The following CLEC7A variants were observed in gnomAD, a reference collection of about 807,000 sequenced individuals.
CLEC7A encodes the protein C-type lectin domain family 7 member A.
In CLEC7A, 25 loss-of-function variants were observed where a neutral mutation model predicts 26.9. The observed-to-expected ratio is 0.93, with a 90% CI of 0.68 to 1.30. The LOEUF (loss-of-function observed/expected upper bound fraction) is 1.30, where lower values mean the gene tolerates loss of function less well. Ranked by LOEUF, CLEC7A falls within the 50% of genes most tolerant of loss-of-function variation. CLEC7A has a pLI of 0.00. For synonymous variants in CLEC7A, 100 were observed against 99.5 expected (o/e 1.01, Z -0.03); for missense variants, 275 against 286.7 (o/e 0.96, Z 0.29).
rs374910100 is a variant in CLEC7A at position 10,118,557 on chromosome 12, G to A, written c.645C>T (p.Asn215=). 3.0e-5 allele frequency: 49 copies of A among 1,613,194 alleles called. No individual in the cohort carries two copies. The highest frequency in any genetic ancestry group is 2.7e-4 in the South Asian group (25 of 91,050). The change falls in exon 6 of 6, where the codon AAC becomes AAT. Residue 215 remains asparagine (N), a synonymous_variant. Transcript: ENST00000304084. The part of the protein sequence containing the change: ...FQIRTTATQE[N]PSPNCVWIHV... Reference sequence around the variant, plus strand: ...GAATCCATACACAATTTGGAGATGGGTTTTCTTGGGTAGCTGTGGTTCTGA... The same window carrying A: ...GAATCCATACACAATTTGGAGATGGATTTTCTTGGGTAGCTGTGGTTCTGA...
chr12:10,123,142 T>C (rs1278539226), intron 5 of CLEC7A, 103 bp downstream of exon 5: 1 of 704,162 alleles, frequency 1.4e-6, no homozygotes. Flanking sequence ...TTCTCATATA[T>C]GGTGAGCAAA....
chr12:10,126,435 TA>T, intron 3 of CLEC7A, 135 bp downstream of exon 3: 1 of 1,431,536 alleles, frequency 7.0e-7, no homozygotes, highest in African/African-American at 1.4e-5. Flanking sequence ...TACACTAAGG[TA>T]ATACTAATAT....
At chr12:10,124,000 T>TTGTC (rs1416372883) in intron 4 of CLEC7A, among the ~76,000 whole-genome samples, 1 of 152,132 alleles carries the variant, frequency 6.6e-6, no homozygotes, top group Non-Finnish European at 1.5e-5. Context: ...TGATTAGCCA[T>TTGTC]TGTCTTCTCC....
At chr12:10,118,704 A>C in intron 5 of CLEC7A, 114 bp from the exon 6 acceptor site, 1 of 874,552 alleles carries the variant, frequency 1.1e-6, no homozygotes. Flanking sequence ...AAGTGTTTCT[A>C]TTATTGGAAA....
chr12:10,123,290 T>C lies in CLEC7A; in HGVS notation c.566A>G (p.Glu189Gly). The change falls in exon 5 of 6, where the codon GAG becomes GGG. Residue 189 changes from glutamate to glycine, a missense_variant. Glu to Gly is a moderately conservative substitution (Grantham distance 98). Coordinates refer to ENST00000304084, the MANE Select transcript of CLEC7A (RefSeq NM_197947.3). Reference protein sequence around the residue: ...FWIGLSRPQTEVPWLWEDGST... With the variant: ...FWIGLSRPQTGVPWLWEDGST... The stretch of plus-strand genomic sequence containing the variant: ...TCCATCCTCCCAGAGCCATGGTACC[T>C]CAGTCTGGGGCCGAGAAAGGCCTAT... The C allele has an allele frequency of 6.2e-7, 1 of 1,613,462 alleles. No homozygotes were observed.
rs75044568 is a variant in CLEC7A, at chr12:10,121,378, G to A, written c.611+1867C>T. On this transcript the variant is annotated intron_variant, in intron 5 of 5. Coordinates refer to ENST00000304084, the MANE Select transcript of CLEC7A (RefSeq NM_197947.3). ...TAAATCTTTATGTGCCTGATAACACGGCTTCAACACATCGAATAAAATGTT... is the reference window on the plus strand; with the variant it reads ...TAAATCTTTATGTGCCTGATAACACAGCTTCAACACATCGAATAAAATGTT... 6.5e-4 allele frequency among the ~76,000 whole-genome samples: 99 copies of A among 152,170 alleles called. 1 individual carries two copies. In the East Asian group the frequency reaches 0.015, roughly 23 times the overall value.
At chr12:10,122,245 T>G (rs1591947127) in intron 5 of CLEC7A, among the ~76,000 whole-genome samples, 2 of 152,220 alleles carry the variant, frequency 1.3e-5, no homozygotes, top group Non-Finnish European at 2.9e-5. Context: ...CTGCAGATAT[T>G]AAAAAGCAAA....
rs1022483302 is a variant in CLEC7A at position 10,118,582 on chromosome 12, A to T, written c.620T>A (p.Ile207Asn). ...GSTFSSNLFQIRTTATQENPS... is the reference protein window; with the variant it reads ...GSTFSSNLFQNRTTATQENPS... The stretch of plus-strand genomic sequence containing the variant: ...GTTTTCTTGGGTAGCTGTGGTTCTG[A>T]TCTGAAATCTGTTAAAATAGAATAC... Residue 207 changes from isoleucine (I) to asparagine (N), a missense_variant, in exon 6 of 6, where the codon ATC becomes AAC. By Grantham distance (149) the Ile-to-Asn change is moderately radical. Coordinates refer to ENST00000304084, the MANE Select transcript of CLEC7A (RefSeq NM_197947.3). 3.1e-6 allele frequency: 5 copies of T among 1,612,678 alleles called. No individual in the cohort carries two copies. Among genetic ancestry groups the T allele is most frequent in the Non-Finnish European group, 4.2e-6 (5 of 1,179,182 alleles).
At chr12:10,124,459 C>T (rs1414351832) in intron 4 of CLEC7A, among the ~76,000 whole-genome samples, 3 of 152,118 alleles carry the variant, frequency 2.0e-5, no homozygotes, top group African/African-American at 4.8e-5. Context: ...CTTAGGAACA[C>T]GGGGATCTCT....
At chr12:10,128,207 A>AAC (rs71860807) in intron 1 of CLEC7A, among the ~76,000 whole-genome samples, 13,080 of 132,656 alleles carry the variant, frequency 0.099, 724 homozygotes, top group East Asian at 0.33. Context: ...ACCCTGTTAA[A>AAC]ACACACACAC....
Position 10,124,180 on chromosome 12 carries a change from T to A in CLEC7A, c.493-817A>T, listed in dbSNP as rs75455441. On this transcript the variant is annotated intron_variant, in intron 4 of 5. Transcript: ENST00000304084. Reference sequence around the variant, plus strand: ...ATCTATAACAATTTATTTTCAATTATAGGCTGGCCTAAAAGTCAGATAGAC... The same window carrying A: ...ATCTATAACAATTTATTTTCAATTAAAGGCTGGCCTAAAAGTCAGATAGAC... 5.2e-4 allele frequency among the ~76,000 whole-genome samples: 79 copies of A among 152,378 alleles called. 3 individuals carry two copies. The East Asian group carries it at 0.015, about 29-fold the overall frequency.
intron 4 of CLEC7A, among the ~76,000 whole-genome samples, chr12:10,123,978 A>G (rs1274424233): frequency 6.6e-6 from 1 of 152,202 alleles, no homozygotes; most frequent in East Asian, 1.9e-4. Flanking sequence ...CCCCCTAGGC[A>G]GTTTTCATGG....
rs562376062 is a variant in CLEC7A at position 10,129,040 on chromosome 12, C to T, written c.103+940G>A. 2.0e-5 allele frequency among the ~76,000 whole-genome samples: 3 copies of T among 152,304 alleles called. 1 individual carries two copies. In the South Asian group the frequency reaches 6.2e-4, roughly 32 times the overall value. On this transcript the variant is annotated intron_variant, in intron 1 of 5. Coordinates refer to ENST00000304084, the MANE Select transcript of CLEC7A (RefSeq NM_197947.3). ...TCATAGAATTGTCACATAGGAGAAT[C>T]GTAGAGTAGGCTAAATCACCCATTC...
chr12:10,127,895 TGGTGGG>T, intron 1 of CLEC7A, 50 bp from the exon 2 acceptor site: 1 of 1,267,602 alleles, frequency 7.9e-7, no homozygotes, highest in Non-Finnish European at 1.1e-6. Context: ...GAATGACGGA[TGGTGGG>T]GCAGTTTAAT....
rs34645566 is a variant in CLEC7A, at chr12:10,130,147, ACTGT to A, written c.-69_-66del. 0.033 allele frequency: 25,227 copies of A among 755,338 alleles called. 582 individuals carry two copies. The highest frequency in any genetic ancestry group is 0.045 in the Non-Finnish European group (19,534 of 434,362). 46.8% of individuals were successfully genotyped at this position (755,338 alleles called of 1,614,324 possible). ...CTCTTTTCTTTCTGCTCCTGAGATG[ACTGT>A]CTGTGGACAAAAGAGAATCTCTGAG... On this transcript the variant is annotated 5_prime_UTR_variant, in exon 1 of 6. Transcript: ENST00000304084.
chr12:10,123,963 A>G (rs2078178), intron 4 of CLEC7A, among the ~76,000 whole-genome samples: 83,936 of 152,116 alleles, frequency 0.55, 28,577 homozygotes, highest in Non-Finnish European at 0.76. Flanking sequence ...ATCCCAGATG[A>G]CAGTCCCCCT....
rs2137443624 is a variant in CLEC7A, at chr12:10,125,376, A to G, written c.413T>C (p.Leu138Pro). 6.2e-7 allele frequency: 1 copy of G among 1,613,568 alleles called. No homozygotes were observed. Among genetic ancestry groups the G allele is most frequent in the East Asian group, 2.2e-5 (1 of 44,856 alleles). ...TCTTTTACTTCCATCCCAGGAATTT[A>G]GTGACATGCTGAATAGATAACAGCT... ...EKSCYLFSMS[L>P]NSWDGSKRQC... is the part of the protein sequence containing the mutation. Residue 138 changes from leucine (L) to proline (P), a missense_variant, in exon 4 of 6, where the codon CTA becomes CCA. By Grantham distance (98) the Leu-to-Pro change is moderately conservative (BLOSUM62 -3). Transcript: ENST00000304084.
intron 1 of CLEC7A, among the ~76,000 whole-genome samples, chr12:10,128,114 C>T (rs981507863): frequency 3.3e-5 from 5 of 151,446 alleles, no homozygotes; most frequent in African/African-American, 4.9e-5. Context: ...GGTGAGCTCC[C>T]GTAGTCCCAG....
At chr12:10,118,630 T>G (rs778619699) in intron 5 of CLEC7A, 40 bp from the exon 6 acceptor site, 2 of 1,567,570 alleles carry the variant, frequency 1.3e-6, no homozygotes, top group Non-Finnish European at 1.8e-6. Context: ...AGAACAAATG[T>G]TAAGGAATAC....
Sources: allele counts gnomAD v4.1 joint callset (sites outside exome capture counted in the v4.1 genomes callset), GRCh38; gene constraint gnomAD v4.1.1; transcripts MANE v1.5; gene names NCBI Gene and HGNC (gene_info 2026-07-23, HGNC 2026-07-21).